The following KCNQ3 variants were observed in gnomAD, a reference collection of about 807,000 sequenced individuals.
The protein encoded by KCNQ3 is potassium voltage-gated channel subfamily Q member 3.
In KCNQ3, 30 loss-of-function variants were observed where a neutral mutation model predicts 92.5. The observed-to-expected ratio is 0.32, with a 90% CI of 0.24 to 0.44. The LOEUF is 0.44. KCNQ3 is among the 20% of genes least tolerant of loss of function. The pLI, the probability that KCNQ3 is intolerant of heterozygous loss-of-function variation, is 1.00. For synonymous variants in KCNQ3, 450 were observed against 468.8 expected, an observed-to-expected ratio of 0.96 and a Z score of 0.52; for missense variants, 913 against 1,140.3, an observed-to-expected ratio of 0.80 and a Z score of 2.87.
chr8:132,429,032 A>T (rs1360853872), intron 1 of KCNQ3, among the ~76,000 whole-genome samples: 1 of 152,238 alleles, frequency 6.6e-6, no homozygotes, highest in Non-Finnish European at 1.5e-5. Context: ...CAACTAGGGG[A>T]AGACATTGGC....
chr8:132,141,036 G>T, intron 10 of KCNQ3, 93 bp downstream of exon 10: 1 of 1,190,426 alleles, frequency 8.4e-7, no homozygotes, highest in Non-Finnish European at 1.3e-6. Context: ...GGAGTCAAAG[G>T]TTCTTAAGTG....
Position 132,139,917 on chromosome 8 carries a change from T to G in KCNQ3, c.1568+159A>C, listed in dbSNP as rs189566812. Among the ~76,000 whole-genome samples the G allele has an allele frequency of 2.0e-5, 3 of 152,274 alleles. No individual in the cohort carries two copies. In the East Asian group the frequency reaches 5.8e-4, roughly 29 times the overall value. On this transcript the variant is annotated intron_variant, in intron 11 of 14. Transcript: ENST00000388996. ...CTGGATCATTTTTTCTGGGGCAGCATACAGTATTTACATACTTCAGGGACC... is the reference window on the plus strand; with the variant it reads ...CTGGATCATTTTTTCTGGGGCAGCAGACAGTATTTACATACTTCAGGGACC...
chr8:132,245,104 C>G (rs1018708365), intron 1 of KCNQ3, among the ~76,000 whole-genome samples: 36 of 152,078 alleles, frequency 2.4e-4, no homozygotes, highest in African/African-American at 8.0e-4. Flanking sequence ...TGTGCCTGTT[C>G]ATAGCAAAAG....
At chr8:132,252,395 C>T (rs1244179593) in intron 1 of KCNQ3, among the ~76,000 whole-genome samples, 2 of 152,030 alleles carry the variant, frequency 1.3e-5, no homozygotes, top group African/African-American at 2.4e-5. Context: ...GTGGTGCATC[C>T]GGAGTTGTTT....
chr8:132,206,281 C>T (rs1037138053), intron 1 of KCNQ3, among the ~76,000 whole-genome samples: 10 of 152,190 alleles, frequency 6.6e-5, no homozygotes, highest in Non-Finnish European at 1.2e-4. Flanking sequence ...TTTTCTTCAG[C>T]ATTTCCCACT....
intron 1 of KCNQ3, among the ~76,000 whole-genome samples, chr8:132,238,392 G>A (rs188755315): frequency 1.3e-5 from 2 of 152,238 alleles, no homozygotes; most frequent in Non-Finnish European, 2.9e-5. Context: ...GAAGGGTAAG[G>A]CATCCTCTCC....
At chr8:132,314,681 A>G (rs1382723519) in intron 1 of KCNQ3, among the ~76,000 whole-genome samples, 2 of 152,236 alleles carry the variant, frequency 1.3e-5, no homozygotes, top group East Asian at 3.8e-4. Context: ...GTTTATGGTG[A>G]AGGTAGCAGC....
At chr8:132,325,119 T>C (rs1026846498) in intron 1 of KCNQ3, among the ~76,000 whole-genome samples, 1 of 151,844 alleles carries the variant, frequency 6.6e-6, no homozygotes, top group Non-Finnish European at 1.5e-5. Flanking sequence ...GACGCCCACA[T>C]GGTGATAGGC....
intron 9 of KCNQ3, among the ~76,000 whole-genome samples, chr8:132,159,595 T>G: frequency 6.6e-6 from 1 of 152,172 alleles, no homozygotes; most frequent in East Asian, 1.9e-4. Context: ...TATATGTGAT[T>G]TTGGAGCTGT....
chr8:132,474,097 A>C (rs1187254860), intron 1 of KCNQ3, among the ~76,000 whole-genome samples: 1 of 152,216 alleles, frequency 6.6e-6, no homozygotes, highest in Non-Finnish European at 1.5e-5. Flanking sequence ...AATGAGATGA[A>C]TGCCAAGATG....
chr8:132,362,044 G>T (rs1819187340), intron 1 of KCNQ3, among the ~76,000 whole-genome samples: 1 of 152,006 alleles, frequency 6.6e-6, no homozygotes, highest in Non-Finnish European at 1.5e-5. Flanking sequence ...GTAGTATTTT[G>T]AATTATAGGA....
chr8:132,225,937 T>C (rs896007164), intron 1 of KCNQ3, among the ~76,000 whole-genome samples: 2 of 152,178 alleles, frequency 1.3e-5, no homozygotes. Context: ...TGAAGCCTAC[T>C]CCCTACTTTG....
At chr8:132,232,331 G>A (rs1814670137) in intron 1 of KCNQ3, among the ~76,000 whole-genome samples, 1 of 152,186 alleles carries the variant, frequency 6.6e-6, no homozygotes, top group Non-Finnish European at 1.5e-5. Context: ...TCCCAATGGT[G>A]CTGATGCTGT....
In KCNQ3 at chr8:132,129,951, T is replaced by C. The variant is rs551615449; in HGVS notation, c.1930A>G (p.Met644Val). The change falls in exon 15 of 15, where the codon ATG becomes GTG. Residue 644 changes from methionine to valine, a missense_variant. Met to Val is a conservative substitution (Grantham distance 21, BLOSUM62 1). This residue lies in a region of KCNQ3 where 375 missense variants were observed against 376.4 expected (regional missense o/e 1.00). Transcript: ENST00000388996. This position sits in a 1 kb window ranked among gnomAD's most constrained non-coding sequence, Gnocchi z 5.9. Reference protein sequence around the residue: ...KKLDFLVDMHMQHMERLQVQV... With the variant: ...KKLDFLVDMHVQHMERLQVQV... ...ACCTGCAACCGTTCCATGTGTTGCA[T>C]GTGCATATCCACGAGGAAGTCCAGC... 2 of 1,614,060 alleles carry C rather than the reference T, an allele frequency of 1.2e-6. No individual in the cohort carries two copies. Among genetic ancestry groups the C allele is most frequent in the East Asian group, 2.2e-5 (1 of 44,880 alleles).
chr8:132,480,660 GCCCCTCCCCA>G lies in KCNQ3; in HGVS notation c.-138_-129del. On this transcript the variant is annotated 5_prime_UTR_variant, in exon 1 of 15. Coordinates refer to ENST00000388996, the MANE Select transcript of KCNQ3 (RefSeq NM_004519.4). ...GGAACTCCAATGCCATGATCCGCGCGCCCCTCCCCACCCCCCCCCAAAAGCAGGCAAAGGC... is the reference window on the plus strand; with the variant it reads ...GGAACTCCAATGCCATGATCCGCGCGCCCCCCCCCAAAAGCAGGCAAAGGC... 1.0e-6 allele frequency: 1 copy of G among 966,158 alleles called. No individual in the cohort carries two copies. Among genetic ancestry groups the G allele is most frequent in the Non-Finnish European group, 1.3e-6 (1 of 795,028 alleles). 59.8% of individuals were successfully genotyped at this position (966,158 alleles called of 1,614,324 possible). A position where few individuals can be genotyped will look rare whatever the true frequency, so the allele number is the denominator to read the frequency against.
In KCNQ3 at chr8:132,288,979, A is replaced by G. The variant is rs1020822047; in HGVS notation, c.387-102798T>C. Among the ~76,000 whole-genome samples the G allele has an allele frequency of 2.0e-5, 3 of 152,214 alleles. No homozygotes were observed. In the South Asian group the frequency reaches 6.2e-4, roughly 32 times the overall value. Reference sequence around the variant, plus strand: ...GATTATACTACATGTGATACAAGTGAAAAGGTAGGAGTTCCAAGTGGCAGA... The same window carrying G: ...GATTATACTACATGTGATACAAGTGGAAAGGTAGGAGTTCCAAGTGGCAGA... On this transcript the variant is annotated intron_variant, in intron 1 of 14. Transcript: ENST00000388996.
chr8:132,271,749 A>G (rs1180231366), intron 1 of KCNQ3, among the ~76,000 whole-genome samples: 1 of 152,222 alleles, frequency 6.6e-6, no homozygotes, highest in African/African-American at 2.4e-5. Context: ...ACCCCCGGGA[A>G]GCTGATTGCC....
At chr8:132,228,169 C>T (rs1435963597) in intron 1 of KCNQ3, among the ~76,000 whole-genome samples, 1 of 152,070 alleles carries the variant, frequency 6.6e-6, no homozygotes, top group African/African-American at 2.4e-5. Flanking sequence ...AACAGTTTTG[C>T]CTCTGGGTAA....
At chr8:132,259,169 T>A (rs776470520) in intron 1 of KCNQ3, among the ~76,000 whole-genome samples, 1 of 151,236 alleles carries the variant, frequency 6.6e-6, no homozygotes, top group South Asian at 2.1e-4. Flanking sequence ...CTAGCACTAT[T>A]CTAATAACAA....
Sources: allele counts gnomAD v4.1 joint callset (sites outside exome capture counted in the v4.1 genomes callset), GRCh38; gene constraint gnomAD v4.1.1; regional missense constraint gnomAD v4.1.1; non-coding constraint Gnocchi (gnomAD v3.1); transcripts MANE v1.5; gene names NCBI Gene and HGNC (gene_info 2026-07-23, HGNC 2026-07-21).